The following FBXL13 variants were observed in gnomAD, a reference collection of about 807,000 sequenced individuals.
FBXL13 encodes the protein F-box and leucine rich repeat protein 13.
Under a neutral mutation model 83.6 loss-of-function variants are expected in FBXL13, and 67 were observed. The ratio of observed to expected loss-of-function variants is 0.80; its 90% confidence interval spans 0.66 to 0.98. FBXL13 has a LOEUF of 0.98. FBXL13 is among the 50% of genes least tolerant of loss of function. FBXL13 has a pLI of 0.00. For synonymous variants in FBXL13, 272 were observed against 299.5 expected, an observed-to-expected ratio of 0.91 and a Z score of 0.95; for missense variants, 822 against 866.5, an observed-to-expected ratio of 0.95 and a Z score of 0.64.
At chr7:102,952,926 G>C (rs1048747292) in intron 8 of FBXL13, among the ~76,000 whole-genome samples, 4 of 152,134 alleles carry the variant, frequency 2.6e-5, no homozygotes, top group African/African-American at 7.2e-5. Context: ...AGAGGTTCCA[G>C]TGAGCCAAGA....
intron 11 of FBXL13, among the ~76,000 whole-genome samples, chr7:102,891,283 C>G (rs73408223): frequency 0.039 from 5,935 of 152,236 alleles, 280 homozygotes; most frequent in East Asian, 0.16. Flanking sequence ...GGTCTGAAAT[C>G]CTATCCATTC....
intron 16 of FBXL13, among the ~76,000 whole-genome samples, chr7:102,858,159 T>C (rs1210571113): frequency 6.6e-6 from 1 of 152,176 alleles, no homozygotes; most frequent in African/African-American, 2.4e-5. Flanking sequence ...GCAACATGGA[T>C]GAGCCTGGAG....
intron 2 of FBXL13, among the ~76,000 whole-genome samples, chr7:103,041,085 T>C (rs1228080925): frequency 6.6e-6 from 1 of 151,938 alleles, no homozygotes; most frequent in Non-Finnish European, 1.5e-5. Context: ...ATAGCAAGAC[T>C]AATAAAGAAG....
At chr7:103,048,217 T>A (rs768724625) in intron 2 of FBXL13, among the ~76,000 whole-genome samples, 1 of 151,950 alleles carries the variant, frequency 6.6e-6, no homozygotes, top group Non-Finnish European at 1.5e-5. Context: ...GCCTATTAAA[T>A]ATAAAGATAT....
intron 6 of FBXL13, among the ~76,000 whole-genome samples, chr7:103,004,842 T>A (rs1048538565): frequency 1.3e-5 from 2 of 152,170 alleles, no homozygotes; most frequent in Non-Finnish European, 2.9e-5. Context: ...CTGGTGCTCA[T>A]TTTCAGAGGG....
chr7:102,940,291 G>C (rs12532495), intron 8 of FBXL13, among the ~76,000 whole-genome samples: 3 of 148,506 alleles, frequency 2.0e-5, no homozygotes, highest in East Asian at 2.0e-4. Flanking sequence ...CTCACTGCAA[G>C]CTCCGCCTCC....
chr7:102,923,820 A>G (rs912955886), intron 10 of FBXL13, among the ~76,000 whole-genome samples: 2 of 152,024 alleles, frequency 1.3e-5, no homozygotes, highest in Admixed American at 1.3e-4. Flanking sequence ...GCAAGATGCC[A>G]TCTCAAAATA....
intron 8 of FBXL13, among the ~76,000 whole-genome samples, chr7:102,959,934 G>T (rs187973948): frequency 3.3e-5 from 5 of 151,992 alleles, no homozygotes; most frequent in Admixed American, 1.3e-4. Context: ...GGACATAAAA[G>T]AAAATATAAA....
At chr7:102,979,465 A>C (rs993717446) in intron 6 of FBXL13, among the ~76,000 whole-genome samples, 1 of 151,914 alleles carries the variant, frequency 6.6e-6, no homozygotes, top group Non-Finnish European at 1.5e-5. Context: ...ATCTGAGAAG[A>C]CTCTTTTGTC....
chr7:102,967,680 A>G (rs1399655737), intron 7 of FBXL13, among the ~76,000 whole-genome samples: 1 of 152,238 alleles, frequency 6.6e-6, no homozygotes, highest in Non-Finnish European at 1.5e-5. Flanking sequence ...TGGACTTAAC[A>G]TATAGTCTAT....
intron 6 of FBXL13, among the ~76,000 whole-genome samples, chr7:102,980,090 G>C (rs935506996): frequency 2.0e-5 from 3 of 152,074 alleles, no homozygotes; most frequent in African/African-American, 7.2e-5. Context: ...AATTTCAAAG[G>C]CTTTTTTTGC....
At chr7:103,016,767 G>C (rs1351484779) in intron 6 of FBXL13, among the ~76,000 whole-genome samples, 1 of 152,200 alleles carries the variant, frequency 6.6e-6, no homozygotes, top group Non-Finnish European at 1.5e-5. Context: ...AGGCGGCAGT[G>C]AGACTGGGGG....
chr7:102,983,628 C>G (rs7789006), intron 6 of FBXL13, among the ~76,000 whole-genome samples: 1 of 151,836 alleles, frequency 6.6e-6, no homozygotes, highest in Non-Finnish European at 1.5e-5. Context: ...CCATGTCGGC[C>G]GGGGCTGGTC....
chr7:102,957,913 T>C (rs1408198610), intron 8 of FBXL13, among the ~76,000 whole-genome samples: 1 of 152,076 alleles, frequency 6.6e-6, no homozygotes, highest in Non-Finnish European at 1.5e-5. Context: ...TGTGGAGAAA[T>C]AGGAATGCTT....
chr7:103,063,712 C>CTTTTTTTTTTT, intron 1 of FBXL13, among the ~76,000 whole-genome samples: 1 of 101,692 alleles, frequency 9.8e-6, no homozygotes, highest in Non-Finnish European at 1.9e-5. Flanking sequence ...CAAACTTAGG[C>CTTTTTTTTTTT]TTTTTTTTTT....
chr7:102,976,212 G>GT, intron 6 of FBXL13: 1 of 756,130 alleles, frequency 1.3e-6, no homozygotes, highest in Non-Finnish European at 2.4e-6. Flanking sequence ...TGAGCCAAGG[G>GT]TAACCCTGAT....
chr7:103,068,543 C>T (rs746037530), intron 1 of FBXL13, among the ~76,000 whole-genome samples: 2 of 152,086 alleles, frequency 1.3e-5, no homozygotes, highest in East Asian at 1.9e-4. Context: ...AAGATATTGG[C>T]GAGCCATGGA....
intron 2 of FBXL13, among the ~76,000 whole-genome samples, chr7:103,044,241 C>A (rs1796047241): frequency 6.6e-6 from 1 of 152,060 alleles, no homozygotes; most frequent in Non-Finnish European, 1.5e-5. Context: ...AAGTCGCATG[C>A]AGAAAAAATA....
chr7:103,003,606 G>C (rs1246443775), intron 6 of FBXL13, among the ~76,000 whole-genome samples: 1 of 151,536 alleles, frequency 6.6e-6, no homozygotes, highest in Non-Finnish European at 1.5e-5. Context: ...TTTTGAGACA[G>C]AGTCTCACTC....
Sources: allele counts gnomAD v4.1 joint callset (sites outside exome capture counted in the v4.1 genomes callset), GRCh38; gene constraint gnomAD v4.1.1; transcripts MANE v1.5; gene names NCBI Gene and HGNC (gene_info 2026-07-23, HGNC 2026-07-21).